SP140: variants seen among roughly 807,000 people sequenced by gnomAD.
SP140 encodes the protein nuclear body protein SP140.
A neutral mutation model predicts 125.0 loss-of-function variants in SP140; 81 were observed. The observed-to-expected ratio is 0.65, with a 90% CI of 0.54 to 0.78. The LOEUF (loss-of-function observed/expected upper bound fraction) is 0.78, where lower values mean the gene tolerates loss of function less well. Ranked by LOEUF, SP140 falls within the 30% of genes least tolerant of loss-of-function variation. The pLI, the probability that SP140 is intolerant of heterozygous loss-of-function variation, is 0.00. For missense variants in SP140, 858 were observed against 1,037.0 expected, an observed-to-expected ratio of 0.83 and a Z score of 2.37; for synonymous variants, 312 against 354.0, an observed-to-expected ratio of 0.88 and a Z score of 1.33.
At chr2:230,220,472 A>G (rs1162964149) in intron 3 of SP140, among the ~76,000 whole-genome samples, 1 of 152,198 alleles carries the variant, frequency 6.6e-6, no homozygotes, top group Non-Finnish European at 1.5e-5. Context: ...AGATTATTAC[A>G]GGAAGAAATT....
chr2:230,285,714 C>T, intron 16 of SP140, 38 bp from the exon 17 acceptor site: 1 of 1,531,402 alleles, frequency 6.5e-7, no homozygotes, highest in Non-Finnish European at 9.0e-7. Context: ...GTTGTTCTGC[C>T]CAGTTCTATT....
At chr2:230,307,990 T>TATATATATATATACAC (rs869070046) in intron 22 of SP140, among the ~76,000 whole-genome samples, 7 of 52,638 alleles carry the variant, frequency 1.3e-4, no homozygotes, top group Admixed American at 3.9e-4. Flanking sequence ...TATATATATA[T>TATATATATATATACAC]ACACACACAC....
At chr2:230,255,308 A>G (rs901285860) in intron 11 of SP140, 144 bp from the exon 12 acceptor site, 2 of 850,442 alleles carry the variant, frequency 2.4e-6, no homozygotes, top group Non-Finnish European at 3.7e-6. Flanking sequence ...AGGTGAACCC[A>G]CAGGGCAGAC....
At chr2:230,224,536 G>C (rs1271528309), upstream of SP140, among the ~76,000 whole-genome samples, 3 of 151,066 alleles carry the variant, frequency 2.0e-5, no homozygotes, top group East Asian at 1.9e-4. Flanking sequence ...AGAGAGAGGA[G>C]AGAGAGAGAG....
chr2:230,222,451 G>A (rs776138609), upstream of SP140, among the ~76,000 whole-genome samples: 15 of 152,032 alleles, frequency 9.9e-5, no homozygotes, highest in African/African-American at 2.9e-4. Flanking sequence ...CTGGAGAGTC[G>A]CTTGTGCCTA....
intron 3 of SP140, chr2:230,238,972 G>C: frequency 6.6e-7 from 1 of 1,507,392 alleles, no homozygotes; most frequent in South Asian, 1.3e-5. Flanking sequence ...TGACTCTGGA[G>C]AAAGAAGTTG....
intron 1 of SP140, among the ~76,000 whole-genome samples, chr2:230,209,519 A>G (rs1472774562): frequency 6.6e-6 from 1 of 152,206 alleles, no homozygotes; most frequent in African/African-American, 2.4e-5. Context: ...GCCAGTAGGC[A>G]GCAAAGGACA....
chr2:230,308,423 C>CTTAA lies in SP140; in HGVS notation c.2059-1500_2059-1497dup, dbSNP rs375613555. Among the ~76,000 whole-genome samples, 195 of 152,210 alleles carry CTTAA rather than the reference C, an allele frequency of 1.3e-3. 3 individuals are homozygous for CTTAA. The highest frequency in any genetic ancestry group is 4.5e-3 in the African/African-American group (187 of 41,470). Reference sequence around the variant, plus strand: ...TTAAAAAGATTAAGGATTCGACATACTTAAACATTTGGTACTTCATTCCCT... The same window carrying CTTAA: ...TTAAAAAGATTAAGGATTCGACATACTTAATTAAACATTTGGTACTTCATTCCCT... On this transcript the variant is annotated intron_variant, in intron 22 of 26. Coordinates refer to ENST00000392045, the MANE Select transcript of SP140 (RefSeq NM_007237.5).
At chr2:230,198,949 G>C (rs1004568906), upstream of SP140, among the ~76,000 whole-genome samples, 1 of 151,888 alleles carries the variant, frequency 6.6e-6, no homozygotes, top group Non-Finnish European at 1.5e-5. Flanking sequence ...CTTTGACTTT[G>C]CCATTTTCTC....
intron 22 of SP140, among the ~76,000 whole-genome samples, chr2:230,302,914 C>T (rs2058423427): frequency 6.6e-6 from 1 of 152,006 alleles, no homozygotes; most frequent in African/African-American, 2.4e-5. Context: ...AAAAGCAATG[C>T]TAAGAGGAAA....
rs749568794 is a variant in SP140, at chr2:230,285,756, T to C, written c.1569T>C (p.Asn523=). 6.8e-6 allele frequency: 11 copies of C among 1,613,128 alleles called. No individual in the cohort carries two copies. In the African/African-American group the frequency reaches 1.3e-4, roughly 20 times the overall value. ...RRQENSQQND[N]SKADGQVVSS... ...TTTTCCCCTGCCTATCCCCAGATAATAGCAAAGCCGACGGCCAGGTGGTCT... is the reference window on the plus strand; with the variant it reads ...TTTTCCCCTGCCTATCCCCAGATAACAGCAAAGCCGACGGCCAGGTGGTCT... The change falls in exon 17 of 27, where the codon AAT becomes AAC. Residue 523 remains asparagine (N), a synonymous_variant. Coordinates refer to ENST00000392045, the MANE Select transcript of SP140 (RefSeq NM_007237.5).
intron 3 of SP140, among the ~76,000 whole-genome samples, chr2:230,240,655 A>G (rs1490368034): frequency 1.3e-5 from 2 of 152,230 alleles, no homozygotes; most frequent in African/African-American, 4.8e-5. Flanking sequence ...AAGACTGACA[A>G]TACCAAGTGC....
chr2:230,279,378 A>G (rs2055187726), intron 15 of SP140, among the ~76,000 whole-genome samples: 1 of 152,132 alleles, frequency 6.6e-6, no homozygotes, highest in African/African-American at 2.4e-5. Flanking sequence ...AAAAAAAAGG[A>G]AACAAACTGG....
intron 18 of SP140, 135 bp downstream of exon 18, chr2:230,288,101 A>C: frequency 1.4e-6 from 1 of 725,526 alleles, no homozygotes; most frequent in Non-Finnish European, 2.1e-6. Flanking sequence ...AATGTATCCT[A>C]TTTAGTCATT....
At chr2:230,191,072 GT>G in the SP140 span, among the ~76,000 whole-genome samples, 102 of 151,624 alleles carry the variant, frequency 6.7e-4, no homozygotes, top group African/African-American at 2.2e-3. Flanking sequence ...ATTTAAAATA[GT>G]TTTTTTTTCT....
intron 7 of SP140, among the ~76,000 whole-genome samples, chr2:230,247,257 A>G (rs1394037044): frequency 6.6e-6 from 1 of 152,214 alleles, no homozygotes; most frequent in Non-Finnish European, 1.5e-5. Flanking sequence ...AGGAACCTCA[A>G]TACAAGACAC....
upstream of SP140, among the ~76,000 whole-genome samples, chr2:230,201,308 C>G (rs184805575): frequency 3.9e-5 from 6 of 152,292 alleles, no homozygotes; most frequent in Non-Finnish European, 7.4e-5. Context: ...TTTGCAAGGT[C>G]AAATTGTTTT....
At chr2:230,290,339 C>T (rs2056970422) in intron 18 of SP140, 121 bp from the exon 19 acceptor site, 1 of 879,124 alleles carries the variant, frequency 1.1e-6, no homozygotes, top group African/African-American at 1.8e-5. Flanking sequence ...CTTTGAAACT[C>T]TAGAGGGTTT....
chr2:230,312,144 C>T (rs2149643872), intron 26 of SP140, among the ~76,000 whole-genome samples: 2 of 152,234 alleles, frequency 1.3e-5, no homozygotes, highest in Middle Eastern at 6.8e-3. Flanking sequence ...AGTAATAATC[C>T]CAGCTGTGGA....
Sources: allele counts gnomAD v4.1 joint callset (sites outside exome capture counted in the v4.1 genomes callset), GRCh38; gene constraint gnomAD v4.1.1; transcripts MANE v1.5; gene names NCBI Gene and HGNC (gene_info 2026-07-23, HGNC 2026-07-21).